The following TBC1D30 variants were observed in gnomAD, a reference collection of about 807,000 sequenced individuals.
TBC1D30 encodes the protein TBC1 domain family, member 30.
A neutral mutation model predicts 63.2 loss-of-function variants in TBC1D30; 31 were observed. The ratio of observed to expected loss-of-function variants is 0.49; its 90% CI spans 0.37 to 0.66. The LOEUF (loss-of-function observed/expected upper bound fraction) is 0.66. Ranked by LOEUF, TBC1D30 falls within the 30% of genes least tolerant of loss-of-function variation. The probability of loss-of-function intolerance (pLI) is 0.00; values close to 1 mark genes in which losing one functional copy is unlikely to be tolerated. For missense variants in TBC1D30, 810 were observed against 953.6 expected (o/e 0.85, Z 1.98); for synonymous variants, 307 against 361.5 (o/e 0.85, Z 1.71).
chr12:64,764,064 T>G (rs909868155), intron 1 of TBC1D30, among the ~76,000 whole-genome samples: 2 of 152,240 alleles, frequency 1.3e-5, no homozygotes, highest in Non-Finnish European at 2.9e-5. Context: ...TGTTGAATAA[T>G]GTCTCAGATG....
intron 2 of TBC1D30, among the ~76,000 whole-genome samples, chr12:64,790,550 CTG>C (rs1349812774): frequency 6.6e-6 from 1 of 151,848 alleles, no homozygotes; most frequent in Non-Finnish European, 1.5e-5. Flanking sequence ...CACTTGAAAA[CTG>C]AAAAAAAACA....
At chr12:64,836,898 A>G (rs182876820) in intron 6 of TBC1D30, among the ~76,000 whole-genome samples, 3 of 152,236 alleles carry the variant, frequency 2.0e-5, no homozygotes, top group South Asian at 4.1e-4. Flanking sequence ...TACCAGATCA[A>G]CAACTGAAAT....
At chr12:64,787,812 G>C (rs1871682776) in intron 2 of TBC1D30, among the ~76,000 whole-genome samples, 1 of 152,192 alleles carries the variant, frequency 6.6e-6, no homozygotes, top group Non-Finnish European at 1.5e-5. Flanking sequence ...AAGGTGGGCA[G>C]ATCACCTGAG....
chr12:64,841,429 C>T (rs1265532988), intron 7 of TBC1D30, among the ~76,000 whole-genome samples: 1 of 152,172 alleles, frequency 6.6e-6, no homozygotes, highest in Non-Finnish European at 1.5e-5. Flanking sequence ...GTGTGTCCTC[C>T]TTGGTTTCCT....
At chr12:64,778,975 T>C (rs996590205), upstream of TBC1D30, 4 of 152,212 alleles carry the variant, frequency 2.6e-5, no homozygotes, top group African/African-American at 9.6e-5. Flanking sequence ...GATTTGGTAA[T>C]GATGGGGAAT....
chr12:64,805,543 C>G (rs1872810514), intron 2 of TBC1D30, among the ~76,000 whole-genome samples: 1 of 152,036 alleles, frequency 6.6e-6, no homozygotes, highest in South Asian at 2.1e-4. Context: ...TGAGAAAATA[C>G]ATTTCTTGGC....
Position 64,824,869 on chromosome 12 carries a change from G to T in TBC1D30, c.-11G>T, listed in dbSNP as rs1441508778. The stretch of plus-strand genomic sequence containing the variant: ...GGACGGTAGCCGTGCCAGAGCCCGG[G>T]GCGCTCTCGGATGCGGCAGGACAAG... On this transcript the variant is annotated 5_prime_UTR_variant, in exon 1 of 12. Transcript: ENST00000539867. The T allele has an allele frequency of 7.2e-6, 11 of 1,532,608 alleles. No individual in the cohort carries two copies. Among genetic ancestry groups the T allele is most frequent in the Non-Finnish European group, 9.6e-6 (11 of 1,145,924 alleles). 94.9% of individuals were successfully genotyped at this position (1,532,608 alleles called of 1,614,324 possible). A position where few individuals can be genotyped will look rare whatever the true frequency, so the allele number is the denominator to read the frequency against.
At chr12:64,826,492 C>G (rs904672268) in intron 1 of TBC1D30, among the ~76,000 whole-genome samples, 1 of 152,116 alleles carries the variant, frequency 6.6e-6, no homozygotes, top group Non-Finnish European at 1.5e-5. Flanking sequence ...CATGATTATA[C>G]GCTCCTCCAT....
chr12:64,843,212 T>C (rs575499163), intron 7 of TBC1D30, among the ~76,000 whole-genome samples, 168 bp from the exon 8 acceptor site: 6 of 152,294 alleles, frequency 3.9e-5, no homozygotes, highest in Non-Finnish European at 5.9e-5. Flanking sequence ...TCTTGCTGCA[T>C]TGAGGCTCCT....
chr12:64,796,724 C>T (rs922459567), intron 2 of TBC1D30, among the ~76,000 whole-genome samples: 4 of 152,002 alleles, frequency 2.6e-5, no homozygotes, highest in East Asian at 1.9e-4. Flanking sequence ...CTTTCAAAAG[C>T]GTTATTCATT....
intron 1 of TBC1D30, among the ~76,000 whole-genome samples, chr12:64,785,677 G>A (rs1404537822): frequency 6.6e-6 from 1 of 152,170 alleles, no homozygotes; most frequent in Non-Finnish European, 1.5e-5. Context: ...TTACCTTACA[G>A]TATCTGTCTC....
intron 8 of TBC1D30, among the ~76,000 whole-genome samples, chr12:64,858,224 A>C (rs1422951243): frequency 6.6e-6 from 1 of 152,214 alleles, no homozygotes; most frequent in Non-Finnish European, 1.5e-5. Context: ...CTAATTCATT[A>C]AACAAACATT....
In TBC1D30 at chr12:64,875,829, G is replaced by C. The variant is rs1879034983; in HGVS notation, c.*41G>C. 6.7e-7 allele frequency: 1 copy of C among 1,481,866 alleles called. No individual in the cohort carries two copies. The highest frequency in any genetic ancestry group is 8.9e-7 in the Non-Finnish European group (1 of 1,121,180). The allele number at this position is 1,481,866 out of a possible 1,614,324, so 91.8% of individuals were successfully genotyped here. ...TTGTATCTGGACTCACCTTTTCACA[G>C]TAGTATAAGGGTTGCAGCTGAATGG... On this transcript the variant is annotated 3_prime_UTR_variant, in exon 12 of 12. Transcript: ENST00000539867.
intron 1 of TBC1D30, among the ~76,000 whole-genome samples, chr12:64,760,523 G>T (rs967360352): frequency 1.3e-5 from 2 of 152,010 alleles, no homozygotes; most frequent in Non-Finnish European, 2.9e-5. Flanking sequence ...CTGCACTCTG[G>T]CCTCAGGGAC....
intron 8 of TBC1D30, among the ~76,000 whole-genome samples, chr12:64,856,163 A>AT (rs1877280843): frequency 7.1e-6 from 1 of 141,298 alleles, no homozygotes; most frequent in Non-Finnish European, 1.5e-5. Context: ...AGAGAGTTAG[A>AT]TGGGGGGGGT....
chr12:64,770,249 A>G (rs1321286162), intron 1 of TBC1D30, among the ~76,000 whole-genome samples: 1 of 151,836 alleles, frequency 6.6e-6, no homozygotes, highest in East Asian at 1.9e-4. Flanking sequence ...GTTCCCTGAT[A>G]TGGTTTATTA....
intron 8 of TBC1D30, among the ~76,000 whole-genome samples, chr12:64,854,653 C>T (rs958235659): frequency 6.6e-6 from 1 of 152,096 alleles, no homozygotes; most frequent in Non-Finnish European, 1.5e-5. Flanking sequence ...TGCCACCACA[C>T]CCAACTAATT....
chr12:64,861,860 C>G (rs146168461), intron 8 of TBC1D30, among the ~76,000 whole-genome samples: 187 of 152,272 alleles, frequency 1.2e-3, no homozygotes, highest in African/African-American at 4.3e-3. Flanking sequence ...AGAGGCAGGA[C>G]TTTCCTTTGC....
At position 64,879,353 on chromosome 12, in the gene TBC1D30, A is replaced by G. The variant is rs1481404690; in HGVS notation, c.*3565A>G. 1 of 152,246 alleles carries G rather than the reference A, an allele frequency of 6.6e-6. No individual in the cohort carries two copies. Among genetic ancestry groups the G allele is most frequent in the African/African-American group, 2.4e-5 (1 of 41,468 alleles). The allele number at this position is 152,246 out of a possible 1,614,324, so 9.4% of individuals were successfully genotyped here. ...TGTCAAATAGGAGGTTTCTGATTAGATAGTAGTAGAGACAGTATCCTGTTA... is the reference window on the plus strand; with the variant it reads ...TGTCAAATAGGAGGTTTCTGATTAGGTAGTAGTAGAGACAGTATCCTGTTA... On this transcript the variant is annotated 3_prime_UTR_variant, in exon 12 of 12. Transcript: ENST00000539867.
Sources: gnomAD v4.1 joint callset for allele counts (sites outside exome capture counted in the v4.1 genomes callset) on GRCh38, gnomAD v4.1.1 for gene constraint, MANE v1.5 for transcripts, NCBI Gene and HGNC (gene_info 2026-07-23, HGNC 2026-07-21) for gene names.